DLGAP2: variants seen among roughly 807,000 people sequenced by gnomAD.
DLGAP2 encodes DLG associated protein 2, also known as disks large-associated protein 2.
Under a neutral mutation model 100.3 loss-of-function variants are expected in DLGAP2, and 26 were observed. The observed-to-expected ratio is 0.26, with a 90% confidence interval of 0.19 to 0.36. The LOEUF (loss-of-function observed/expected upper bound fraction) is 0.36, where lower values mean the gene tolerates loss of function less well. Among genes scored for constraint, DLGAP2 ranks in the 10% least tolerant of loss-of-function variants. DLGAP2 has a pLI of 1.00. For missense variants in DLGAP2, 1,858 were observed against 1,453.2 expected (o/e 1.28, Z -4.53); for synonymous variants, 886 against 630.1 (o/e 1.41, Z -6.08).
intron 2 of DLGAP2, among the ~76,000 whole-genome samples, chr8:1,167,981 T>C (rs747754602): frequency 6.6e-6 from 1 of 151,216 alleles, no homozygotes; most frequent in Non-Finnish European, 1.5e-5. Flanking sequence ...GCTGCACCCA[T>C]TAACTCGTCA....
At chr8:798,790 C>G (rs1235715681) in intron 1 of DLGAP2, among the ~76,000 whole-genome samples, 1 of 146,876 alleles carries the variant, frequency 6.8e-6, no homozygotes, top group Non-Finnish European at 1.5e-5. Flanking sequence ...AGCCCCGTGC[C>G]CTGGTGCTGG....
At chr8:839,983 C>A (rs13254472) in intron 1 of DLGAP2, among the ~76,000 whole-genome samples, 3 of 117,872 alleles carry the variant, frequency 2.5e-5, no homozygotes, top group East Asian at 3.5e-4. Flanking sequence ...TGAGCGCGTC[C>A]ACACGGTGCA....
At chr8:1,152,864 T>G (rs1796719505) in intron 2 of DLGAP2, among the ~76,000 whole-genome samples, 1 of 152,194 alleles carries the variant, frequency 6.6e-6, no homozygotes, top group East Asian at 1.9e-4. Flanking sequence ...AACAGCCATT[T>G]ATCTTGCACA....
chr8:1,003,225 T>C (rs1001341583), intron 2 of DLGAP2: 1 of 152,266 alleles, frequency 6.6e-6, no homozygotes, highest in African/African-American at 2.4e-5. Flanking sequence ...CTGCTTACCC[T>C]AAATCAGGAG....
intron 3 of DLGAP2, among the ~76,000 whole-genome samples, chr8:1,410,871 T>C (rs893560064): frequency 6.6e-6 from 1 of 152,004 alleles, no homozygotes; most frequent in Admixed American, 6.6e-5. Flanking sequence ...TGTTTTCAGT[T>C]GTCTTATCCA....
At chr8:845,835 A>G (rs1231137486) in intron 1 of DLGAP2, among the ~76,000 whole-genome samples, 2 of 152,198 alleles carry the variant, frequency 1.3e-5, no homozygotes, top group Non-Finnish European at 2.9e-5. Context: ...TGATGTTTGC[A>G]TATGGTGTGA....
At chr8:1,268,804 A>T (rs934532074) in intron 3 of DLGAP2, among the ~76,000 whole-genome samples, 1 of 152,294 alleles carries the variant, frequency 6.6e-6, no homozygotes, top group African/African-American at 2.4e-5. Flanking sequence ...AAATGTCAGC[A>T]TTGTTCTGGG....
intron 2 of DLGAP2, among the ~76,000 whole-genome samples, chr8:979,101 G>A (rs766541949): frequency 2.6e-5 from 4 of 152,056 alleles, no homozygotes; most frequent in Admixed American, 6.5e-5. Context: ...TTCTAAATTG[G>A]GGGTGGGGGA....
intron 12 of DLGAP2, among the ~76,000 whole-genome samples, chr8:1,683,848 ATATATATATGTGTGTGTG>A: frequency 1.4e-5 from 1 of 71,482 alleles, no homozygotes; most frequent in African/African-American, 9.3e-5. Flanking sequence ...ATATATATAT[ATATATATATGTGTGTGTG>A]TGTGTGTGTG....
At chr8:1,525,890 C>T (rs1050509396) in intron 4 of DLGAP2, among the ~76,000 whole-genome samples, 1 of 152,088 alleles carries the variant, frequency 6.6e-6, no homozygotes, top group African/African-American at 2.4e-5. Flanking sequence ...TTGGCTTTGT[C>T]TGTAAAGTGG....
rs919916253 is a variant in DLGAP2 at position 1,683,283 on chromosome 8, G to T, written c.2704+4654G>T. 1.1e-4 allele frequency among the ~76,000 whole-genome samples: 17 copies of T among 151,606 alleles called. 1 individual carries two copies. Among genetic ancestry groups the T allele is most frequent in the African/African-American group, 4.1e-4 (17 of 41,382 alleles). ...TTGACACGCGGTTGGATTTGGTCAA[G>T]GTGGTGGATGGTGGTGACTGAAAAG... is the stretch of plus-strand genomic sequence containing the variant. On this transcript the variant is annotated intron_variant, in intron 12 of 14. Transcript: ENST00000637795.
At chr8:1,087,869 C>T (rs1804027601) in intron 2 of DLGAP2, among the ~76,000 whole-genome samples, 1 of 152,238 alleles carries the variant, frequency 6.6e-6, no homozygotes, top group Admixed American at 6.5e-5. Flanking sequence ...AGCTCTGGAT[C>T]CTTCTGCCTC....
intron 2 of DLGAP2, among the ~76,000 whole-genome samples, chr8:1,092,614 G>C (rs1443995983): frequency 6.6e-6 from 1 of 152,236 alleles, no homozygotes; most frequent in Non-Finnish European, 1.5e-5. Context: ...TCCAGGGACA[G>C]AGCCTTCAAG....
At chr8:1,013,066 A>C (rs895949205) in intron 2 of DLGAP2, among the ~76,000 whole-genome samples, 1 of 152,092 alleles carries the variant, frequency 6.6e-6, no homozygotes, top group Non-Finnish European at 1.5e-5. Context: ...CCATGCTTCC[A>C]GCCCTCCGGC....
chr8:1,219,005 G>C (rs1051530117), intron 2 of DLGAP2, among the ~76,000 whole-genome samples: 1 of 152,124 alleles, frequency 6.6e-6, no homozygotes, highest in Admixed American at 6.5e-5. Flanking sequence ...AAGTTTATCA[G>C]TTTTAGGAGC....
At chr8:1,468,098 G>A (rs1235079628) in intron 3 of DLGAP2, among the ~76,000 whole-genome samples, 2 of 152,350 alleles carry the variant, frequency 1.3e-5, no homozygotes, top group Admixed American at 1.3e-4. Context: ...ACTTGCCAAA[G>A]ACGTGGACCC....
At chr8:1,623,987 T>G (rs761596016) in intron 6 of DLGAP2, among the ~76,000 whole-genome samples, 1 of 152,182 alleles carries the variant, frequency 6.6e-6, no homozygotes, top group Non-Finnish European at 1.5e-5. Context: ...AATACATGGA[T>G]CCACCTGTGA....
chr8:990,231 C>A (rs2654028), intron 2 of DLGAP2, among the ~76,000 whole-genome samples: 7 of 151,858 alleles, frequency 4.6e-5, no homozygotes, highest in South Asian at 4.1e-4. Context: ...ATATTTGTGT[C>A]GTGATGTTGC....
intron 1 of DLGAP2, among the ~76,000 whole-genome samples, chr8:840,972 C>G (rs1796973501): frequency 6.6e-6 from 1 of 152,262 alleles, no homozygotes; most frequent in Non-Finnish European, 1.5e-5. Flanking sequence ...CTAGCTCTCA[C>G]TCTCTGGTGA....
Sources: gnomAD v4.1 joint callset for allele counts (sites outside exome capture counted in the v4.1 genomes callset) on GRCh38, gnomAD v4.1.1 for gene constraint, MANE v1.5 for transcripts, NCBI Gene and HGNC (gene_info 2026-07-23, HGNC 2026-07-21) for gene names.